LPIN1: variants seen among roughly 807,000 people sequenced by gnomAD.
The protein encoded by LPIN1 is phosphatidate phosphatase LPIN1.
LPIN1 carries 71 observed loss-of-function variants against 107.5 expected under a neutral mutation model. That is an observed-to-expected ratio of 0.66 (90% CI 0.55 to 0.80). LPIN1 has a LOEUF of 0.80. Ranked by LOEUF, LPIN1 falls within the 30% of genes least tolerant of loss-of-function variation. The pLI is 0.00. For synonymous variants in LPIN1, 445 were observed against 452.6 expected, an observed-to-expected ratio of 0.98 and a Z score of 0.21; for missense variants, 1,043 against 1,160.6, an observed-to-expected ratio of 0.90 and a Z score of 1.47.
At chr2:11,777,016 TG>T (rs1313668792) in intron 6 of LPIN1, among the ~76,000 whole-genome samples, 2 of 152,246 alleles carry the variant, frequency 1.3e-5, no homozygotes, top group Non-Finnish European at 2.9e-5. Flanking sequence ...CTAGCCTTAT[TG>T]GGACTGGCAA....
chr2:11,693,449 T>C (rs1242528140), intron 1 of LPIN1, among the ~76,000 whole-genome samples: 1 of 152,124 alleles, frequency 6.6e-6, no homozygotes, highest in African/African-American at 2.4e-5. Context: ...TGAGAAATGC[T>C]GACTCCCAGG....
At chr2:11,706,905 G>T (rs1663155519) in intron 1 of LPIN1, among the ~76,000 whole-genome samples, 1 of 152,168 alleles carries the variant, frequency 6.6e-6, no homozygotes, top group Non-Finnish European at 1.5e-5. Context: ...GCATTTTGTG[G>T]AGAGAGGATT....
intron 1 of LPIN1, among the ~76,000 whole-genome samples, chr2:11,699,625 G>A (rs1662764201): frequency 6.6e-6 from 1 of 152,156 alleles, no homozygotes; most frequent in African/African-American, 2.4e-5. Context: ...TTGGGTATCG[G>A]TTGACTGTGT....
intron 1 of LPIN1, chr2:11,677,763 G>A (rs1661504342): frequency 4.7e-6 from 7 of 1,498,260 alleles, no homozygotes; most frequent in Non-Finnish European, 6.3e-6. Context: ...TGCAAACACA[G>A]CCCCTGCTCT....
rs561697079 is a variant in LPIN1 at position 11,746,691 on chromosome 2, A to T, written c.-10+20A>T. 12 of 982,410 alleles carry T rather than the reference A, an allele frequency of 1.2e-5. No homozygotes were observed. The East Asian group carries it at 1.3e-3, about 103-fold the overall frequency. The allele number at this position is 982,410 out of a possible 1,614,324, so 60.9% of individuals were successfully genotyped here. A position where few individuals can be genotyped will look rare whatever the true frequency, so the allele number is the denominator to read the frequency against. ...CGCTCGGTGAGTAGCCGCCGCCTCC[A>T]GCCTCCCGCTGTGGAGCAGGGGCCG... is the stretch of plus-strand genomic sequence containing the variant. On this transcript the variant is annotated intron_variant, in intron 1 of 20. Coordinates refer to ENST00000674199, the MANE Select transcript of LPIN1 (RefSeq NM_001349206.2).
Position 11,786,277 on chromosome 2 carries a change from C to T in LPIN1, c.1550-797C>T, listed in dbSNP as rs996442526. On this transcript the variant is annotated intron_variant, in intron 10 of 20. Coordinates refer to ENST00000674199, the MANE Select transcript of LPIN1 (RefSeq NM_001349206.2). This position sits in a 1 kb window ranked among gnomAD's most constrained non-coding sequence, Gnocchi z 4.1. ...AAGACCCAGGGACTCTTTTCCTGGACGGAGGAGATTCTCAGTGTCTGATGT... is the reference window on the plus strand; with the variant it reads ...AAGACCCAGGGACTCTTTTCCTGGATGGAGGAGATTCTCAGTGTCTGATGT... Among the ~76,000 whole-genome samples the T allele has an allele frequency of 2.6e-5, 4 of 152,052 alleles. No homozygotes were observed. The highest frequency in any genetic ancestry group is 4.8e-5 in the African/African-American group (2 of 41,402).
Position 11,803,161 on chromosome 2 carries a change from T to G in LPIN1, c.2013+128T>G, listed in dbSNP as rs1678076005. 2.3e-6 allele frequency: 3 copies of G among 1,279,302 alleles called. No individual in the cohort carries two copies. In the Admixed American group the frequency reaches 5.2e-5, roughly 22 times the overall value. 79.2% of individuals were successfully genotyped at this position (1,279,302 alleles called of 1,614,324 possible). ...TTCATCCCAGGGGGCCTGCAATCCC[T>G]CAACTGGGTACCCGCTGTTTCCACC... On this transcript the variant is annotated intron_variant, in intron 15 of 20. Coordinates refer to ENST00000674199, the MANE Select transcript of LPIN1 (RefSeq NM_001349206.2). The surrounding 1 kb of genome is among the most constrained non-coding windows in gnomAD (Gnocchi z 4.2).
In LPIN1 at chr2:11,771,736, G is replaced by T. The variant is rs1342947292; in HGVS notation, c.596+57G>T. 1 of 1,477,060 alleles carries T rather than the reference G, an allele frequency of 6.8e-7. No individual in the cohort carries two copies. Among genetic ancestry groups the T allele is most frequent in the Non-Finnish European group, 9.2e-7 (1 of 1,084,684 alleles). 91.5% of individuals were successfully genotyped at this position (1,477,060 alleles called of 1,614,324 possible). A position where few individuals can be genotyped will look rare whatever the true frequency, so the allele number is the denominator to read the frequency against. On this transcript the variant is annotated intron_variant, in intron 4 of 20. Transcript: ENST00000674199. This position sits in a 1 kb window ranked among gnomAD's most constrained non-coding sequence, Gnocchi z 4.8. ...CAGAATCAGACAGTTAACTGTTCAA[G>T]ATTATTTTTATGAACTTTTCCCCCA...
upstream of LPIN1, among the ~76,000 whole-genome samples, chr2:11,720,383 C>T (rs1360915746): frequency 6.6e-6 from 1 of 152,120 alleles, no homozygotes; most frequent in Non-Finnish European, 1.5e-5. Flanking sequence ...CTCTTCCCTC[C>T]TATAGCATCT....
chr2:11,813,125 T>C (rs1679970074), intron 17 of LPIN1, among the ~76,000 whole-genome samples: 1 of 151,910 alleles, frequency 6.6e-6, no homozygotes, highest in Non-Finnish European at 1.5e-5. Flanking sequence ...AGGTACCCAT[T>C]TTGGAGTGCG....
intron 1 of LPIN1, among the ~76,000 whole-genome samples, chr2:11,682,018 G>A (rs948831869): frequency 1.3e-5 from 2 of 152,240 alleles, no homozygotes; most frequent in Non-Finnish European, 2.9e-5. Flanking sequence ...CCCTGGTCCT[G>A]GGAGGGCTCT....
At chr2:11,800,288 G>A (rs1677472944) in intron 14 of LPIN1, among the ~76,000 whole-genome samples, 3 of 152,224 alleles carry the variant, frequency 2.0e-5, no homozygotes, top group African/African-American at 7.2e-5. Flanking sequence ...CTCATTCTAG[G>A]ACTGGAAGGA....
chr2:11,799,856 TACCA>T (rs1431607473), intron 14 of LPIN1, among the ~76,000 whole-genome samples: 1 of 152,166 alleles, frequency 6.6e-6, no homozygotes, highest in Non-Finnish European at 1.5e-5. Flanking sequence ...AGCCCGAAGT[TACCA>T]TGGGCTGGAA....
At chr2:11,726,137 C>G (rs1282803082) in intron 1 of LPIN1, among the ~76,000 whole-genome samples, 1 of 152,180 alleles carries the variant, frequency 6.6e-6, no homozygotes, top group African/African-American at 2.4e-5. Context: ...TCTGGACCAT[C>G]ATAGAAGCCC....
chr2:11,719,790 T>TC, upstream of LPIN1, among the ~76,000 whole-genome samples: 1 of 92,526 alleles, frequency 1.1e-5, no homozygotes, highest in Non-Finnish European at 2.4e-5. Flanking sequence ...ACCAATTGCT[T>TC]CTTTTTTTTT....
At chr2:11,742,509 T>C (rs1015383787), upstream of LPIN1, among the ~76,000 whole-genome samples, 3 of 152,202 alleles carry the variant, frequency 2.0e-5, no homozygotes, top group Non-Finnish European at 4.4e-5. Flanking sequence ...TCATGGCGAC[T>C]CAGAGGACTG....
At chr2:11,788,098 G>A (rs1033851914) in intron 11 of LPIN1, among the ~76,000 whole-genome samples, 4 of 152,186 alleles carry the variant, frequency 2.6e-5, no homozygotes, top group African/African-American at 9.6e-5. Context: ...CCCCAAGCAC[G>A]TCGTGGTTTG....
chr2:11,813,993 C>T (rs1009305077), intron 17 of LPIN1, among the ~76,000 whole-genome samples: 1 of 151,992 alleles, frequency 6.6e-6, no homozygotes, highest in African/African-American at 2.4e-5. Context: ...GTTGTTTCTT[C>T]AGTCTAGATA....
At chr2:11,759,935 C>T (rs1242451001) in intron 1 of LPIN1, among the ~76,000 whole-genome samples, 2 of 150,008 alleles carry the variant, frequency 1.3e-5, no homozygotes, top group African/African-American at 4.9e-5. Flanking sequence ...GGGCGGCTGC[C>T]GGGCGGAGGG....
Sources: gnomAD v4.1 joint callset for allele counts (sites outside exome capture counted in the v4.1 genomes callset) on GRCh38, gnomAD v4.1.1 for gene constraint, Gnocchi (gnomAD v3.1) non-coding constraint, MANE v1.5 for transcripts, NCBI Gene and HGNC (gene_info 2026-07-23, HGNC 2026-07-21) for gene names.